THUMPD3: variants seen among roughly 807,000 people sequenced by gnomAD.
THUMPD3 encodes THUMP domain 3 tRNA guanosine methyltransferase.
In THUMPD3, 44 loss-of-function variants were observed where a neutral mutation model predicts 54.5. The observed-to-expected ratio is 0.81, with a 90% CI of 0.63 to 1.04. The LOEUF (loss-of-function observed/expected upper bound fraction) is 1.04, where lower values mean the gene tolerates loss of function less well. THUMPD3 is among the 50% of genes least tolerant of loss of function. The pLI, the probability that THUMPD3 is intolerant of heterozygous loss-of-function variation, is 0.00. For synonymous variants in THUMPD3, 196 were observed against 201.4 expected (o/e 0.97, Z 0.23); for missense variants, 604 against 601.3 (o/e 1.00, Z -0.05).
At chr3:9,368,399 G>C (rs990841465) in intron 3 of THUMPD3, among the ~76,000 whole-genome samples, 2 of 119,784 alleles carry the variant, frequency 1.7e-5, no homozygotes, top group African/African-American at 6.4e-5. Flanking sequence ...GTCTTGCTCT[G>C]TTGCCTAGGC....
rs148107435 is a variant in THUMPD3 at position 9,376,798 on chromosome 3, G to A, written c.939-1021G>A. ...TAACAGTTAAGCCACTAACAGTAAT[G>A]CCTCTAATCTTGAATCTGTTACCTA... On this transcript the variant is annotated intron_variant, in intron 5 of 9. Coordinates refer to ENST00000452837, the MANE Select transcript of THUMPD3 (RefSeq NM_001114092.2). Among the ~76,000 whole-genome samples the A allele has an allele frequency of 2.6e-5, 4 of 152,320 alleles. No homozygotes were observed. In the East Asian group the frequency reaches 7.7e-4, roughly 29 times the overall value.
At position 9,382,512 on chromosome 3, in the gene THUMPD3, T is replaced by C. The variant is rs568080008; in HGVS notation, c.1125-687T>C. The stretch of plus-strand genomic sequence containing the variant: ...ACCTATATATTTGCCAATTTTACTA[T>C]CTGTTTTTCTTTTAGGCCTCCTGTT... On this transcript the variant is annotated intron_variant, in intron 7 of 9. Transcript: ENST00000452837. Among the ~76,000 whole-genome samples the C allele has an allele frequency of 2.6e-5, 4 of 152,342 alleles. No individual in the cohort carries two copies. In the South Asian group the frequency reaches 6.2e-4, roughly 24 times the overall value.
At chr3:9,383,757 C>T (rs576232697) in intron 8 of THUMPD3, among the ~76,000 whole-genome samples, 8 of 151,982 alleles carry the variant, frequency 5.3e-5, no homozygotes, top group Admixed American at 4.6e-4. Flanking sequence ...CTGAGTAGCT[C>T]GGATTTCAGG....
chr3:9,384,562 TAC>T lies in THUMPD3; in HGVS notation c.1400_1401del (p.Thr467SerfsTer56), dbSNP rs746398299. On this transcript the variant is annotated frameshift_variant, in exon 10 of 10. Coordinates refer to ENST00000452837, the MANE Select transcript of THUMPD3 (RefSeq NM_001114092.2). LOFTEE classifies it high-confidence loss of function. Reference protein sequence around the residue: ...GMRHVWRKVDTVWVNVGGLRA... With the variant: ...GMRHVWRKVDXVWVNVGGLRA... ...TGCGACACGTATGGCGAAAGGTGGA[TAC>T]AGTCTGGGTGAACGTTGGTGGTCTT... The T allele has an allele frequency of 6.2e-6, 10 of 1,614,134 alleles. No individual in the cohort carries two copies. The highest frequency in any genetic ancestry group is 1.3e-5 in the African/African-American group (1 of 74,942).
chr3:9,365,476 T>A (rs2031479575), intron 2 of THUMPD3, among the ~76,000 whole-genome samples, 156 bp downstream of exon 2: 1 of 151,730 alleles, frequency 6.6e-6, no homozygotes, highest in South Asian at 2.1e-4. Flanking sequence ...GAGTACTGAT[T>A]TGTAATTTTG....
intron 6 of THUMPD3, among the ~76,000 whole-genome samples, 189 bp from the exon 7 acceptor site, chr3:9,380,314 A>G (rs2032780698): frequency 6.6e-6 from 1 of 152,114 alleles, no homozygotes; most frequent in Non-Finnish European, 1.5e-5. Flanking sequence ...GCTGGGTCTT[A>G]AGAGATGGGT....
chr3:9,372,525 A>G (rs2125318048), intron 4 of THUMPD3, among the ~76,000 whole-genome samples: 1 of 152,188 alleles, frequency 6.6e-6, no homozygotes, highest in Middle Eastern at 3.4e-3. Context: ...GGTTGCAGTG[A>G]GCCAAGATCA....
chr3:9,365,355 A>G, intron 2 of THUMPD3, 35 bp downstream of exon 2: 1 of 1,605,898 alleles, frequency 6.2e-7, no homozygotes, highest in Non-Finnish European at 8.5e-7. Context: ...TAGTTTTCTA[A>G]GTTGATCATT....
intron 3 of THUMPD3, among the ~76,000 whole-genome samples, chr3:9,369,955 C>T (rs749049613): frequency 1.3e-5 from 2 of 152,118 alleles, no homozygotes; most frequent in East Asian, 3.8e-4. Context: ...CTAGCTGTTA[C>T]CTTTATAACT....
chr3:9,372,797 C>T (rs776542473), intron 4 of THUMPD3, among the ~76,000 whole-genome samples: 7 of 152,152 alleles, frequency 4.6e-5, no homozygotes, highest in Non-Finnish European at 1.0e-4. Flanking sequence ...GTATTTAAGT[C>T]TCTGACACCT....
At chr3:9,369,126 G>A (rs1283656739) in intron 3 of THUMPD3, among the ~76,000 whole-genome samples, 1 of 151,708 alleles carries the variant, frequency 6.6e-6, no homozygotes, top group Non-Finnish European at 1.5e-5. Context: ...CATGGCCAAG[G>A]TGGTGAAACA....
intron 1 of THUMPD3, among the ~76,000 whole-genome samples, chr3:9,364,696 T>C (rs2031353392): frequency 1.3e-5 from 2 of 152,238 alleles, no homozygotes; most frequent in Admixed American, 1.3e-4. Flanking sequence ...GATGCAGAAA[T>C]GGATTTGAAT....
intron 7 of THUMPD3, 40 bp downstream of exon 7, chr3:9,380,658 G>C: frequency 7.0e-7 from 1 of 1,438,644 alleles, no homozygotes; most frequent in Non-Finnish European, 9.7e-7. Flanking sequence ...TTTAGAGTTA[G>C]AGAATCACTT....
intron 7 of THUMPD3, among the ~76,000 whole-genome samples, chr3:9,382,190 T>A (rs1371126967): frequency 6.6e-6 from 1 of 152,156 alleles, no homozygotes; most frequent in African/African-American, 2.4e-5. Context: ...TGTGTACTTT[T>A]AAAAATTATG....
chr3:9,381,756 CTTTTTTTTTTTTTTTTTTTTT>C (rs753480713), intron 7 of THUMPD3, among the ~76,000 whole-genome samples: 37 of 44,368 alleles, frequency 8.3e-4, no homozygotes, highest in South Asian at 1.6e-3. Context: ...TCAACCCGTA[CTTTTTTTTTTTTTTTTTTTTT>C]TTTTTTTTTT....
chr3:9,386,069 T>C lies in THUMPD3; in HGVS notation c.*1381T>C, dbSNP rs2125341814. 6.6e-6 allele frequency: 1 copy of C among 152,302 alleles called. No homozygotes were observed. Among genetic ancestry groups the C allele is most frequent in the African/African-American group, 2.4e-5 (1 of 41,560 alleles). The allele number at this position is 152,302 out of a possible 1,614,324, so 9.4% of individuals were successfully genotyped here. ...TCTTAATACTTTCTGATGTCTCCATTGAGAATAAAAGGACACAATACTTTT... is the reference window on the plus strand; with the variant it reads ...TCTTAATACTTTCTGATGTCTCCATCGAGAATAAAAGGACACAATACTTTT... On this transcript the variant is annotated 3_prime_UTR_variant, in exon 10 of 10. Coordinates refer to ENST00000452837, the MANE Select transcript of THUMPD3 (RefSeq NM_001114092.2).
At chr3:9,377,493 C>T (rs557405699) in intron 5 of THUMPD3, among the ~76,000 whole-genome samples, 47 of 152,174 alleles carry the variant, frequency 3.1e-4, no homozygotes, top group African/African-American at 1.0e-3. Context: ...CGAGTCTCAG[C>T]CTTTGTACTA....
At chr3:9,372,003 G>C (rs547303712) in intron 4 of THUMPD3, among the ~76,000 whole-genome samples, 6 of 152,228 alleles carry the variant, frequency 3.9e-5, no homozygotes, top group African/African-American at 1.4e-4. Context: ...AGCCTCCCAA[G>C]TAGCTGGGGC....
intron 9 of THUMPD3, 33 bp from the exon 10 acceptor site, chr3:9,384,491 A>C: frequency 6.2e-7 from 1 of 1,611,914 alleles, no homozygotes; most frequent in Non-Finnish European, 8.5e-7. Context: ...GTAGATTGTC[A>C]ACCTAATTGT....
Sources: gnomAD v4.1 joint callset for allele counts (sites outside exome capture counted in the v4.1 genomes callset) on GRCh38, gnomAD v4.1.1 for gene constraint, MANE v1.5 for transcripts, NCBI Gene and HGNC (gene_info 2026-07-23, HGNC 2026-07-21) for gene names.